Variants in NUDT6 observed in about 807,000 individuals in gnomAD.
The protein encoded by NUDT6 is FAD diphosphatase NUDT6.
A neutral mutation model predicts 36.8 loss-of-function variants in NUDT6; 24 were observed. That is an observed-to-expected ratio of 0.65 (90% CI 0.47 to 0.92). The LOEUF (loss-of-function observed/expected upper bound fraction) is 0.92, where lower values mean the gene tolerates loss of function less well. Ranked by LOEUF, NUDT6 falls within the 40% of genes least tolerant of loss-of-function variation. The probability of loss-of-function intolerance (pLI) is 0.00; values close to 1 mark genes in which losing one functional copy is unlikely to be tolerated. For missense variants in NUDT6, 388 were observed against 392.8 expected (o/e 0.99, Z 0.10); for synonymous variants, 163 against 157.0 (o/e 1.04, Z -0.29).
Position 122,893,005 on chromosome 4 carries a change from T to G in NUDT6, c.774A>C (p.Glu258Asp), listed in dbSNP as rs770075653. 6.2e-7 allele frequency: 1 copy of G among 1,614,156 alleles called. No homozygotes were observed. The highest frequency in any genetic ancestry group is 8.5e-7 in the Non-Finnish European group (1 of 1,180,020). ...WMDLNDLAKT[E>D]NTTPITSRVA... ...CTCTGCTGGTGATGGGAGTTGTATT[T>G]TCAGTCTTCGCCAGGTCATTGAGAT... Residue 258 changes from glutamate (E) to aspartate (D), a missense_variant, in exon 5 of 5, where the codon GAA (glutamate) becomes GAC (aspartate). Physicochemically the swap from Glu to Asp is conservative, Grantham distance 45. Transcript: ENST00000304430.
At chr4:122,901,182 C>CT (rs753333681) in intron 3 of NUDT6, among the ~76,000 whole-genome samples, 1 of 152,076 alleles carries the variant, frequency 6.6e-6, no homozygotes, top group African/African-American at 2.4e-5. Context: ...CCCCTCCCTG[C>CT]TTTGAGTTGG....
At chr4:122,915,495 A>C (rs1481989774) in intron 2 of NUDT6, among the ~76,000 whole-genome samples, 6 of 145,662 alleles carry the variant, frequency 4.1e-5, no homozygotes, top group South Asian at 2.2e-4. Flanking sequence ...AAAAAAAAAA[A>C]AAACAACTCT....
chr4:122,908,230 C>A (rs1727663646), intron 3 of NUDT6, among the ~76,000 whole-genome samples: 2 of 152,126 alleles, frequency 1.3e-5, no homozygotes, highest in Non-Finnish European at 2.9e-5. Context: ...CATAAGGTAA[C>A]AAAATGGACT....
At chr4:122,915,686 A>G (rs1185577236) in intron 2 of NUDT6, among the ~76,000 whole-genome samples, 4 of 152,192 alleles carry the variant, frequency 2.6e-5, no homozygotes, top group African/African-American at 9.6e-5. Context: ...GGCCCTTCAT[A>G]GGATACTCTT....
At chr4:122,909,273 T>C (rs1445680660) in intron 3 of NUDT6, among the ~76,000 whole-genome samples, 2 of 152,166 alleles carry the variant, frequency 1.3e-5, no homozygotes, top group Non-Finnish European at 2.9e-5. Context: ...GATTACCCTA[T>C]AGGCTTCTGA....
Position 122,917,590 on chromosome 4 carries a change from G to T in NUDT6, c.353C>A (p.Ala118Glu). The T allele has an allele frequency of 6.2e-7, 1 of 1,614,172 alleles. No individual in the cohort carries two copies. Among genetic ancestry groups the T allele is most frequent in the Non-Finnish European group, 8.5e-7 (1 of 1,180,026 alleles). ...AGTCAACGTTGATGAATCCGATTCTGCGTGGTGAAAGCAGAAGCCCAGGGA... is the reference window on the plus strand; with the variant it reads ...AGTCAACGTTGATGAATCCGATTCTTCGTGGTGAAAGCAGAAGCCCAGGGA... ...AASLGFCFHH[A>E]ESDSSTLTLW... Residue 118 changes from alanine to glutamate, a missense_variant, in exon 2 of 5, where the codon GCA (alanine) becomes GAA (glutamate). By Grantham distance (107) the Ala-to-Glu change is moderately radical. Coordinates refer to ENST00000304430, the MANE Select transcript of NUDT6 (RefSeq NM_007083.5).
At chr4:122,901,168 A>G (rs1181710576) in intron 3 of NUDT6, among the ~76,000 whole-genome samples, 1 of 152,134 alleles carries the variant, frequency 6.6e-6, no homozygotes, top group East Asian at 1.9e-4. Flanking sequence ...ATTCACATAT[A>G]TGACCCCTCC....
chr4:122,897,168 A>T (rs2150798557), intron 4 of NUDT6: 1 of 153,810 alleles, frequency 6.5e-6, no homozygotes, highest in Middle Eastern at 3.4e-3. Context: ...GTGAAGAATT[A>T]TATAATCACT....
At chr4:122,910,683 T>C (rs1216956939) in intron 3 of NUDT6, among the ~76,000 whole-genome samples, 1 of 152,228 alleles carries the variant, frequency 6.6e-6, no homozygotes, top group Non-Finnish European at 1.5e-5. Flanking sequence ...ATATATTGTA[T>C]AAGTATTTAT....
chr4:122,909,418 G>A (rs1352563707), intron 3 of NUDT6, among the ~76,000 whole-genome samples: 1 of 152,128 alleles, frequency 6.6e-6, no homozygotes, highest in Non-Finnish European at 1.5e-5. Context: ...TTTCATGCAA[G>A]TATTTTATGT....
chr4:122,912,466 C>G, intron 3 of NUDT6, 102 bp downstream of exon 3: 1 of 792,530 alleles, frequency 1.3e-6, no homozygotes, highest in South Asian at 1.6e-5. Context: ...TTTTAAAATA[C>G]CTTTCTATAA....
At chr4:122,899,969 C>A (rs1727478315) in intron 3 of NUDT6, among the ~76,000 whole-genome samples, 3 of 151,938 alleles carry the variant, frequency 2.0e-5, no homozygotes, top group Admixed American at 2.0e-4. Flanking sequence ...CAAGCCAGTG[C>A]TGCGGGCATT....
chr4:122,902,704 T>C (rs761880786), intron 3 of NUDT6, among the ~76,000 whole-genome samples: 3 of 152,190 alleles, frequency 2.0e-5, no homozygotes, highest in African/African-American at 4.8e-5. Context: ...CCCTTAACTC[T>C]TGAACACCCA....
At chr4:122,899,929 T>C (rs73844961) in intron 3 of NUDT6, among the ~76,000 whole-genome samples, 2,969 of 151,988 alleles carry the variant, frequency 0.02, 101 homozygotes, top group African/African-American at 0.067. Context: ...GGGCCACTCA[T>C]AGAAAGAGTT....
chr4:122,902,517 C>T (rs28454823), intron 3 of NUDT6, among the ~76,000 whole-genome samples: 2,179 of 152,244 alleles, frequency 0.014, 55 homozygotes, highest in African/African-American at 0.05. Flanking sequence ...TAACACATCT[C>T]CACCTTATAT....
chr4:122,893,011 C>T lies in NUDT6; in HGVS notation c.768G>A (p.Lys256=). Reference sequence around the variant, plus strand: ...TGGTGATGGGAGTTGTATTTTCAGTCTTCGCCAGGTCATTGAGATCCATCC... The same window carrying T: ...TGGTGATGGGAGTTGTATTTTCAGTTTTCGCCAGGTCATTGAGATCCATCC... ...CEWMDLNDLA[K]TENTTPITSR... Residue 256 remains lysine, a synonymous_variant, in exon 5 of 5, where the codon AAG becomes AAA. Transcript: ENST00000304430. The T allele has an allele frequency of 1.9e-6, 3 of 1,614,162 alleles. No individual in the cohort carries two copies. Among genetic ancestry groups the T allele is most frequent in the Non-Finnish European group, 2.5e-6 (3 of 1,180,032 alleles).
At chr4:122,919,469 C>T (rs945947815) in intron 1 of NUDT6, 2 of 152,300 alleles carry the variant, frequency 1.3e-5, no homozygotes, top group Non-Finnish European at 2.9e-5. Context: ...CCCGCCTCGG[C>T]CTCCCAAAGT....
chr4:122,896,847 G>A (rs923005712), intron 4 of NUDT6: 3 of 152,088 alleles, frequency 2.0e-5, no homozygotes, highest in African/African-American at 4.8e-5. Flanking sequence ...TAGGGGACAT[G>A]CATATTAAGG....
chr4:122,922,547 C>A lies in NUDT6; in HGVS notation c.26G>T (p.Arg9Leu), dbSNP rs746291927. 3.7e-6 allele frequency: 6 copies of A among 1,602,056 alleles called. No homozygotes were observed. In the East Asian group the frequency reaches 1.3e-4, roughly 36 times the overall value. Residue 9 changes from arginine to leucine, a missense_variant, in exon 1 of 5, where the codon CGC becomes CTC. Arg to Leu is a moderately radical substitution (Grantham distance 102). Transcript: ENST00000304430. Reference sequence around the variant, plus strand: ...GGTTCGGGCAAGCATCGCGCGCCAGCGGCCCCAGCTCAGTGGCTGCCGCAT... The same window carrying A: ...GGTTCGGGCAAGCATCGCGCGCCAGAGGCCCCAGCTCAGTGGCTGCCGCAT... MRQPLSWG[R>L]WRAMLARTYG...
Sources: gnomAD v4.1 joint callset for allele counts (sites outside exome capture counted in the v4.1 genomes callset) on GRCh38, gnomAD v4.1.1 for gene constraint, MANE v1.5 for transcripts, NCBI Gene and HGNC (gene_info 2026-07-23, HGNC 2026-07-21) for gene names.